Variants in TIGIT observed in about 807,000 individuals in gnomAD.
The protein encoded by TIGIT is T-cell immunoreceptor with Ig and ITIM domains.
In TIGIT, 11 loss-of-function variants were observed where a neutral mutation model predicts 19.6. The observed-to-expected ratio is 0.56, with a 90% CI of 0.35 to 0.93. The LOEUF is 0.93. Among genes scored for constraint, TIGIT ranks in the 40% least tolerant of loss-of-function variants. The pLI is 0.01. For synonymous variants in TIGIT, 130 were observed against 125.5 expected (o/e 1.04, Z -0.24); for missense variants, 295 against 303.9 (o/e 0.97, Z 0.22).
rs747292239 is a variant in TIGIT at position 114,309,809 on chromosome 3, TGGA to T, written c.*1684_*1686del. On this transcript the variant is annotated 3_prime_UTR_variant, in exon 4 of 4. Transcript: ENST00000383671. ...ACGAAAAGGGAGTAGTGTTTTGATTTGGAGGAGGTGTATATTCGGCAGAGGTTG... is the reference window on the plus strand; with the variant it reads ...ACGAAAAGGGAGTAGTGTTTTGATTTGGAGGTGTATATTCGGCAGAGGTTG... 1.3e-5 allele frequency: 2 copies of T among 152,192 alleles called. No individual in the cohort carries two copies. The highest frequency in any genetic ancestry group is 2.9e-5 in the Non-Finnish European group (2 of 68,028). 9.4% of individuals were successfully genotyped at this position (152,192 alleles called of 1,614,324 possible).
At chr3:114,305,780 A>AGATGGATGGATG (rs139399080) in intron 3 of TIGIT, among the ~76,000 whole-genome samples, 11 of 143,764 alleles carry the variant, frequency 7.7e-5, no homozygotes, top group South Asian at 2.4e-4. Context: ...TAGGAGATAT[A>AGATGGATGGATG]GATGGATGGA....
At chr3:114,298,180 A>T (rs2078467374) in intron 2 of TIGIT, among the ~76,000 whole-genome samples, 1 of 152,188 alleles carries the variant, frequency 6.6e-6, no homozygotes, top group South Asian at 2.1e-4. Flanking sequence ...TAGTGATGTC[A>T]TGCTTACTCA....
Position 114,297,201 on chromosome 3 carries a change from G to A in TIGIT, c.391+1327G>A, listed in dbSNP as rs140037073. 3.8e-3 allele frequency among the ~76,000 whole-genome samples: 582 copies of A among 152,224 alleles called. 3 individuals are homozygous for A. The highest frequency in any genetic ancestry group is 0.01 in the Middle Eastern group (3 of 294). On this transcript the variant is annotated intron_variant, in intron 2 of 3. Coordinates refer to ENST00000383671, the MANE Select transcript of TIGIT (RefSeq NM_173799.4). Reference sequence around the variant, plus strand: ...ATTTCACATAGGCCAAACAAAGACTGGTTAAGAGTTGAGGCTCTGGAATTG... The same window carrying A: ...ATTTCACATAGGCCAAACAAAGACTAGTTAAGAGTTGAGGCTCTGGAATTG...
intron 3 of TIGIT, among the ~76,000 whole-genome samples, chr3:114,304,959 AC>A (rs1360946320): frequency 6.6e-6 from 1 of 152,190 alleles, no homozygotes; most frequent in Non-Finnish European, 1.5e-5. Context: ...TGTCCCTCTT[AC>A]AATTAGCTTA....
intron 3 of TIGIT, among the ~76,000 whole-genome samples, chr3:114,305,838 ATGGATGGGTGGG>A: frequency 6.7e-6 from 1 of 149,888 alleles, no homozygotes; most frequent in Non-Finnish European, 1.5e-5. Context: ...GGTTGGATGG[ATGGATGGGTGGG>A]TGGATGGATG....
Position 114,302,227 on chromosome 3 carries a change from A to C in TIGIT, c.498+2524A>C, listed in dbSNP as rs534291661. The stretch of plus-strand genomic sequence containing the variant: ...CTTTGCATTGGCTGACCTCAAACTT[A>C]GGATGGAGGATAAGGGGACTCATTG... On this transcript the variant is annotated intron_variant, in intron 3 of 3. Coordinates refer to ENST00000383671, the MANE Select transcript of TIGIT (RefSeq NM_173799.4). Among the ~76,000 whole-genome samples the C allele has an allele frequency of 8.5e-5, 13 of 152,318 alleles. No homozygotes were observed. The East Asian group carries it at 2.5e-3, about 29-fold the overall frequency.
chr3:114,301,317 G>A (rs549076186), intron 3 of TIGIT, among the ~76,000 whole-genome samples: 1 of 152,244 alleles, frequency 6.6e-6, no homozygotes, highest in African/African-American at 2.4e-5. Context: ...CAGCCTGGTT[G>A]AACTGCAGTG....
rs981005599 is a variant in TIGIT, at chr3:114,309,439, G to T, written c.*1308G>T. 1 of 152,216 alleles carries T rather than the reference G, an allele frequency of 6.6e-6. No individual in the cohort carries two copies. The highest frequency in any genetic ancestry group is 2.4e-5 in the African/African-American group (1 of 41,462). The allele number at this position is 152,216 out of a possible 1,614,324, so 9.4% of individuals were successfully genotyped here. On this transcript the variant is annotated 3_prime_UTR_variant, in exon 4 of 4. Transcript: ENST00000383671. ...TTTCATGGGCCAAGGAACTGAAAGA[G>T]AATGTGAAGCAAGGTTGTGTCTTGC...
At chr3:114,296,181 G>A (rs1219459319) in intron 2 of TIGIT, among the ~76,000 whole-genome samples, 2 of 152,232 alleles carry the variant, frequency 1.3e-5, no homozygotes, top group African/African-American at 4.8e-5. Flanking sequence ...ACCAGTTGAT[G>A]AGGTCATATG....
chr3:114,299,608 G>A lies in TIGIT; in HGVS notation c.403G>A (p.Gly135Ser), dbSNP rs147774909. 59 of 1,612,904 alleles carry A rather than the reference G, an allele frequency of 3.7e-5. No individual in the cohort carries two copies. The highest frequency in any genetic ancestry group is 2.2e-4 in the East Asian group (10 of 44,880). Reference protein sequence around the residue: ...EVLESSVAEHGARFQIPLLGA... With the variant: ...EVLESSVAEHSARFQIPLLGA... ...TGTCCTCCCTCTAGTGGCTGAGCAC[G>A]GTGCCAGGTTCCAGATTCCATTGCT... The change falls in exon 3 of 4, where the codon GGT (glycine) becomes AGT (serine). Residue 135 changes from glycine (G) to serine (S), a missense_variant. Transcript: ENST00000383671.
chr3:114,307,590 G>T, intron 3 of TIGIT: 1 of 310,200 alleles, frequency 3.2e-6, no homozygotes, highest in Non-Finnish European at 6.1e-6. Flanking sequence ...GGTCGACAGA[G>T]TCAAGTGCAG....
chr3:114,307,745 G>A lies in TIGIT; in HGVS notation c.499-150G>A, dbSNP rs879460815. The A allele has an allele frequency of 2.8e-5, 20 of 712,732 alleles. No homozygotes were observed. In the East Asian group the frequency reaches 5.2e-4, roughly 18 times the overall value. The allele number at this position is 712,732 out of a possible 1,614,324, so 44.2% of individuals were successfully genotyped here. A position where few individuals can be genotyped will look rare whatever the true frequency, so the allele number is the denominator to read the frequency against. On this transcript the variant is annotated intron_variant, in intron 3 of 3. Transcript: ENST00000383671. Reference sequence around the variant, plus strand: ...ATTTAAATCTAGCTGTAACGCGGTTGAGAAATTAAGGGCTAAGGAATTGGT... The same window carrying A: ...ATTTAAATCTAGCTGTAACGCGGTTAAGAAATTAAGGGCTAAGGAATTGGT...
Position 114,308,231 on chromosome 3 carries a change from G to GTGTA in TIGIT, c.*103_*104insATGT. On this transcript the variant is annotated 3_prime_UTR_variant, in exon 4 of 4. Transcript: ENST00000383671. ...CCATCAGTGCTGCGTGTGTGTGTGT[G>GTGTA]TGTGTATGTGTGTGTGTGTTCAGTT... 2.4e-6 allele frequency: 2 copies of GTGTA among 833,390 alleles called. No homozygotes were observed. Among genetic ancestry groups the GTGTA allele is most frequent in the Non-Finnish European group, 4.0e-6 (2 of 504,234 alleles). The allele number at this position is 833,390 out of a possible 1,614,324, so 51.6% of individuals were successfully genotyped here.
chr3:114,301,265 T>C (rs2078490421), intron 3 of TIGIT, among the ~76,000 whole-genome samples: 1 of 152,218 alleles, frequency 6.6e-6, no homozygotes, highest in Non-Finnish European at 1.5e-5. Context: ...TAACCCACTT[T>C]TCCTCCAACT....
chr3:114,306,246 G>A (rs990029190), intron 3 of TIGIT, among the ~76,000 whole-genome samples: 3 of 152,200 alleles, frequency 2.0e-5, no homozygotes, highest in African/African-American at 7.2e-5. Flanking sequence ...AGGCCTCCAG[G>A]TGAGTGGATG....
chr3:114,309,870 T>C lies in TIGIT; in HGVS notation c.*1739T>C, dbSNP rs2078560716. The C allele has an allele frequency of 6.6e-6, 1 of 152,164 alleles. No individual in the cohort carries two copies. The highest frequency in any genetic ancestry group is 2.4e-5 in the African/African-American group (1 of 41,420). 9.4% of individuals were successfully genotyped at this position (152,164 alleles called of 1,614,324 possible). A position where few individuals can be genotyped will look rare whatever the true frequency, so the allele number is the denominator to read the frequency against. On this transcript the variant is annotated 3_prime_UTR_variant, in exon 4 of 4. Transcript: ENST00000383671. ...AGTTGGGTGTTATTTAACATAATTA[T>C]GGTAATTGGGAAACATTTATAAACA... is the stretch of plus-strand genomic sequence containing the variant.
At chr3:114,296,004 A>C in intron 2 of TIGIT, 130 bp downstream of exon 2, 1 of 747,218 alleles carries the variant, frequency 1.3e-6, no homozygotes, top group Non-Finnish European at 2.1e-6. Flanking sequence ...ATTTTAAATC[A>C]TACTGATGCC....
At chr3:114,297,513 A>G (rs1299690596) in intron 2 of TIGIT, among the ~76,000 whole-genome samples, 3 of 152,084 alleles carry the variant, frequency 2.0e-5, no homozygotes, top group African/African-American at 7.2e-5. Flanking sequence ...TGGGCTCTTT[A>G]CCCCAGTGTC....
At position 114,308,023 on chromosome 3, in the gene TIGIT, G is replaced by A. The variant is rs1487153218; in HGVS notation, c.627G>A (p.Gly209=). 6.2e-7 allele frequency: 1 copy of A among 1,614,146 alleles called. No homozygotes were observed. Among genetic ancestry groups the A allele is most frequent in the South Asian group, 1.1e-5 (1 of 91,074 alleles). Residue 209 remains glycine, a synonymous_variant, in exon 4 of 4, where the codon GGG becomes GGA. Transcript: ENST00000383671. The part of the protein sequence containing the change: ...SCVQAEAAPA[G]LCGEQRGEDC... The stretch of plus-strand genomic sequence containing the variant: ...TCCAGGCAGAAGCTGCACCTGCTGG[G>A]CTCTGTGGAGAGCAGCGGGGAGAGG...
Sources: allele counts gnomAD v4.1 joint callset (sites outside exome capture counted in the v4.1 genomes callset), GRCh38; gene constraint gnomAD v4.1.1; transcripts MANE v1.5; gene names NCBI Gene and HGNC (gene_info 2026-07-23, HGNC 2026-07-21).